Variants in SGCD observed in about 807,000 individuals in gnomAD.
SGCD encodes sarcoglycan delta, also known as delta-sarcoglycan.
Under a neutral mutation model 36.6 loss-of-function variants are expected in SGCD, and 18 were observed. That is an observed-to-expected ratio of 0.49 (90% CI 0.34 to 0.73). SGCD has a LOEUF of 0.73. Ranked by LOEUF, SGCD falls within the 30% of genes least tolerant of loss-of-function variation. The pLI, the probability that SGCD is intolerant of heterozygous loss-of-function variation, is 0.01. For missense variants in SGCD, 387 were observed against 346.7 expected, an observed-to-expected ratio of 1.12 and a Z score of -0.92; for synonymous variants, 133 against 130.6, an observed-to-expected ratio of 1.02 and a Z score of -0.12.
chr5:155,925,791 T>A (rs1428618234), intron 1 of SGCD, among the ~76,000 whole-genome samples: 1 of 152,076 alleles, frequency 6.6e-6, no homozygotes, highest in East Asian at 1.9e-4. Flanking sequence ...AATTTTTGTA[T>A]TTTTTTGTAG....
rs191835711 is a variant in SGCD at position 156,060,497 on chromosome 5, T to C, written c.-281-57381T>C. On this transcript the variant is annotated intron_variant, in intron 1 of 9. Coordinates refer to the SGCD transcript ENST00000517913. ...GATGGCACCTAAGTTCCTTCAAATATTCAGTTCATTTCTTAATGAAGTTTT... is the reference window on the plus strand; with the variant it reads ...GATGGCACCTAAGTTCCTTCAAATACTCAGTTCATTTCTTAATGAAGTTTT... Among the ~76,000 whole-genome samples the C allele has an allele frequency of 5.2e-4, 76 of 146,714 alleles. 1 individual carries two copies. The East Asian group carries it at 0.014, about 27-fold the overall frequency.
intron 1 of SGCD, among the ~76,000 whole-genome samples, chr5:155,945,768 G>A (rs757492942): frequency 6.6e-6 from 1 of 152,312 alleles, no homozygotes; most frequent in South Asian, 2.1e-4. Context: ...AGCGGCCAGG[G>A]ACCAGCTCAG....
chr5:156,147,885 C>G (rs1762742618), intron 3 of SGCD, among the ~76,000 whole-genome samples: 1 of 152,114 alleles, frequency 6.6e-6, no homozygotes, highest in African/African-American at 2.4e-5. Context: ...TTTCTTAGAT[C>G]TTTGGTAAAC....
At chr5:156,231,007 G>A (rs1765001226) in intron 3 of SGCD, among the ~76,000 whole-genome samples, 1 of 152,054 alleles carries the variant, frequency 6.6e-6, no homozygotes, top group Admixed American at 6.6e-5. Flanking sequence ...AAATAAAAAG[G>A]CTACAAGGAG....
At chr5:156,129,033 G>T (rs1278571071) in intron 3 of SGCD, among the ~76,000 whole-genome samples, 1 of 152,110 alleles carries the variant, frequency 6.6e-6, no homozygotes, top group Non-Finnish European at 1.5e-5. Flanking sequence ...ACAGAAATCG[G>T]CTCAGTGCTT....
chr5:156,294,396 A>G lies in SGCD; in HGVS notation c.-43-35138A>G, dbSNP rs1164551323. ...AGGATCACTTGAGGTTCGGAGTTCA[A>G]GACTGGCCTGGTCAACATAAAGACC... is the stretch of plus-strand genomic sequence containing the variant. On this transcript the variant is annotated intron_variant, in intron 3 of 9. Transcript: ENST00000517913. Among the ~76,000 whole-genome samples the G allele has an allele frequency of 2.6e-5, 4 of 152,250 alleles. No individual in the cohort carries two copies. The South Asian group carries it at 6.2e-4, about 24-fold the overall frequency.
chr5:156,128,522 G>T (rs774738704), intron 3 of SGCD, among the ~76,000 whole-genome samples: 8 of 152,158 alleles, frequency 5.3e-5, no homozygotes, highest in Non-Finnish European at 8.8e-5. Context: ...TAAAGTAGAT[G>T]ATATGGTTTG....
intron 1 of SGCD, among the ~76,000 whole-genome samples, chr5:155,912,711 C>A (rs1756654469): frequency 6.6e-6 from 1 of 152,098 alleles, no homozygotes; most frequent in African/African-American, 2.4e-5. Flanking sequence ...ATAGCCAATT[C>A]ATTTTAGTCT....
chr5:156,747,967 C>T (rs911918701), intron 7 of SGCD, among the ~76,000 whole-genome samples: 1 of 152,138 alleles, frequency 6.6e-6, no homozygotes, highest in Non-Finnish European at 1.5e-5. Flanking sequence ...TACAAAATAG[C>T]CACAAACTGT....
At chr5:156,180,363 C>T (rs568260909) in intron 3 of SGCD, among the ~76,000 whole-genome samples, 16 of 150,998 alleles carry the variant, frequency 1.1e-4, no homozygotes, top group Non-Finnish European at 2.2e-4. Context: ...ATAGCCAGTA[C>T]AATAAAGCAA....
Position 156,506,368 on chromosome 5 carries a change from G to C in SGCD, c.193-2233G>C, listed in dbSNP as rs201481912. On this transcript the variant is annotated intron_variant, in intron 3 of 8. Transcript: ENST00000337851. ...AAACACACACTCACACACACACACA[G>C]ACACACACACACACACCCCTTATTT... is the stretch of plus-strand genomic sequence containing the variant. 4.7e-5 allele frequency among the ~76,000 whole-genome samples: 7 copies of C among 150,014 alleles called. No individual in the cohort carries two copies. The South Asian group carries it at 6.4e-4, about 14-fold the overall frequency.
intron 3 of SGCD, among the ~76,000 whole-genome samples, chr5:156,486,498 A>T (rs896597414): frequency 2.6e-5 from 4 of 151,846 alleles, no homozygotes; most frequent in African/African-American, 4.8e-5. Flanking sequence ...AAACCTGAGG[A>T]TCTCCTCTGC....
intron 3 of SGCD, among the ~76,000 whole-genome samples, chr5:156,437,625 A>T (rs566524309): frequency 6.6e-6 from 1 of 152,268 alleles, no homozygotes; most frequent in Non-Finnish European, 1.5e-5. Context: ...TAAATTTTAC[A>T]TCATTTTCAA....
chr5:156,751,747 T>A (rs577052891), intron 7 of SGCD, among the ~76,000 whole-genome samples: 2 of 152,340 alleles, frequency 1.3e-5, no homozygotes, highest in Admixed American at 1.3e-4. Flanking sequence ...GACAATGGCA[T>A]CCCATTTCAC....
intron 7 of SGCD, among the ~76,000 whole-genome samples, chr5:156,683,853 A>G (rs1404461043): frequency 1.3e-5 from 2 of 152,230 alleles, no homozygotes; most frequent in African/African-American, 4.8e-5. Context: ...GCCAGCACAC[A>G]GAGACATCTA....
rs182770299 is a variant in SGCD, at chr5:156,445,085, T to A, written c.193-63516T>A. Among the ~76,000 whole-genome samples, 20 of 152,322 alleles carry A rather than the reference T, an allele frequency of 1.3e-4. No homozygotes were observed. The East Asian group carries it at 3.9e-3, about 29-fold the overall frequency. On this transcript the variant is annotated intron_variant, in intron 3 of 8. Transcript: ENST00000337851. ...AGACTGTAAACAGGACTCCATGGAATGCTAGCTGATGAATTTCCTTTGCCA... is the reference window on the plus strand; with the variant it reads ...AGACTGTAAACAGGACTCCATGGAAAGCTAGCTGATGAATTTCCTTTGCCA...
rs151295380 is a variant in SGCD, at chr5:156,327,483, T to C, written c.-44+251T>C. ...TAGGATTTAGCTGGCAACGTTATTG[T>C]GTAAAGAGGAGTATGTGAATTCCTT... On this transcript the variant is annotated intron_variant, in intron 1 of 8. Transcript: ENST00000337851. Among the ~76,000 whole-genome samples the C allele has an allele frequency of 2.4e-3, 362 of 152,302 alleles. 1 individual carries two copies. The highest frequency in any genetic ancestry group is 3.0e-3 in the Admixed American group (46 of 15,296).
At chr5:156,578,099 G>A (rs369791127) in intron 4 of SGCD, among the ~76,000 whole-genome samples, 4 of 152,236 alleles carry the variant, frequency 2.6e-5, no homozygotes, top group African/African-American at 4.8e-5. Flanking sequence ...TCAATACCTA[G>A]TTTATTGAGA....
upstream of SGCD, among the ~76,000 whole-genome samples, chr5:156,323,519 G>A (rs569032308): frequency 6.6e-6 from 1 of 152,094 alleles, no homozygotes; most frequent in African/African-American, 2.4e-5. Context: ...AAAAATGAGG[G>A]TCTACTATAT....
Sources: gnomAD v4.1 joint callset for allele counts (sites outside exome capture counted in the v4.1 genomes callset) on GRCh38, gnomAD v4.1.1 for gene constraint, MANE v1.5 for transcripts, NCBI Gene and HGNC (gene_info 2026-07-23, HGNC 2026-07-21) for gene names.